The following PTK2 variants were observed in gnomAD, a reference collection of about 807,000 sequenced individuals.
The protein encoded by PTK2 is protein tyrosine kinase 2.
Under a neutral mutation model 150.1 loss-of-function variants are expected in PTK2, and 45 were observed. The ratio of observed to expected loss-of-function variants is 0.30; its 90% CI spans 0.24 to 0.38. The LOEUF (loss-of-function observed/expected upper bound fraction) is 0.38, where lower values mean the gene tolerates loss of function less well. Ranked by LOEUF, PTK2 falls within the 10% of genes least tolerant of loss-of-function variation. The probability of loss-of-function intolerance (pLI) is 1.00; values close to 1 mark genes in which losing one functional copy is unlikely to be tolerated. For synonymous variants in PTK2, 432 were observed against 449.2 expected (o/e 0.96, Z 0.48); for missense variants, 919 against 1,307.3 (o/e 0.70, Z 4.58).
chr8:140,678,761 A>C lies in PTK2; in HGVS notation c.2563-3262T>G, dbSNP rs139933174. Among the ~76,000 whole-genome samples the C allele has an allele frequency of 1.3e-4, 20 of 152,202 alleles. No individual in the cohort carries two copies. The East Asian group carries it at 3.9e-3, about 30-fold the overall frequency. On this transcript the variant is annotated intron_variant, in intron 27 of 31. Transcript: ENST00000522684. ...GAGTAGCTTCGAGAGGGAGGAGTCC[A>C]GTAGGGCAAACCGAATGTGTGAGGA...
At chr8:140,998,818 CAA>C (rs959649621) in intron 1 of PTK2, among the ~76,000 whole-genome samples, 9 of 53,480 alleles carry the variant, frequency 1.7e-4, no homozygotes, top group Admixed American at 3.9e-4. Flanking sequence ...GACTCCGTCT[CAA>C]AAAAAAAAAA....
chr8:140,866,213 G>A (rs1035296405), intron 4 of PTK2, among the ~76,000 whole-genome samples: 5 of 152,176 alleles, frequency 3.3e-5, no homozygotes, highest in African/African-American at 9.7e-5. Flanking sequence ...ATTCAAACAG[G>A]TCCAAGGAGG....
At chr8:140,822,662 C>T (rs1219287623) in intron 8 of PTK2, among the ~76,000 whole-genome samples, 1 of 152,184 alleles carries the variant, frequency 6.6e-6, no homozygotes, top group Non-Finnish European at 1.5e-5. Context: ...CACCACATCC[C>T]TATGGGTCTC....
intron 26 of PTK2, among the ~76,000 whole-genome samples, chr8:140,689,373 A>C (rs560660217): frequency 6.6e-6 from 1 of 152,358 alleles, no homozygotes; most frequent in East Asian, 1.9e-4. Flanking sequence ...ACTCAATGTA[A>C]ATATCAAGGT....
chr8:140,844,330 C>T (rs2154604115), intron 7 of PTK2, among the ~76,000 whole-genome samples: 1 of 152,282 alleles, frequency 6.6e-6, no homozygotes, highest in African/African-American at 2.4e-5. Flanking sequence ...CTAAATGTAG[C>T]TCATACGTTA....
intron 14 of PTK2, among the ~76,000 whole-genome samples, chr8:140,787,402 A>G (rs909220812): frequency 4.6e-5 from 7 of 152,262 alleles, no homozygotes; most frequent in African/African-American, 1.4e-4. Context: ...ACAAGAACAT[A>G]GAACTTAAAC....
At chr8:140,752,093 C>T in intron 17 of PTK2, 139 bp downstream of exon 20, 1 of 751,258 alleles carries the variant, frequency 1.3e-6, no homozygotes, top group South Asian at 1.6e-5. Flanking sequence ...CAAATTTAGA[C>T]ATTAATTTGC....
At chr8:140,989,212 T>TAAAAAAA (rs71310816) in intron 1 of PTK2, among the ~76,000 whole-genome samples, 11 of 60,582 alleles carry the variant, frequency 1.8e-4, no homozygotes, top group Non-Finnish European at 2.0e-4. Flanking sequence ...ACCCTGTCTC[T>TAAAAAAA]AAAAAAAAAA....
At position 140,753,706 on chromosome 8, in the gene PTK2, T is replaced by C. The variant is rs192637457; in HGVS notation, c.1333-1390A>G. Among the ~76,000 whole-genome samples, 535 of 152,314 alleles carry C rather than the reference T, an allele frequency of 3.5e-3. 5 individuals are homozygous for C. Among genetic ancestry groups the C allele is most frequent in the African/African-American group, 0.012 (517 of 41,556 alleles). On this transcript the variant is annotated intron_variant, in intron 16 of 31. Coordinates refer to ENST00000522684, the Ensembl canonical transcript of PTK2. ...ACTATTGTCTTTCACATTATATCAT[T>C]TTATATATTATAATTATACATAACA...
chr8:140,944,471 G>A (rs1454045125), intron 1 of PTK2, among the ~76,000 whole-genome samples: 1 of 152,284 alleles, frequency 6.6e-6, no homozygotes, highest in South Asian at 2.1e-4. Flanking sequence ...CTGCCACGAG[G>A]AATCTTGGAC....
chr8:140,850,426 C>CA (rs1215529684), intron 5 of PTK2, among the ~76,000 whole-genome samples: 21 of 140,214 alleles, frequency 1.5e-4, no homozygotes, highest in African/African-American at 3.2e-4. Context: ...GACTTCGTCT[C>CA]AAAAAAAAAC....
chr8:140,925,138 G>A (rs2100168988), intron 2 of PTK2, among the ~76,000 whole-genome samples: 2 of 151,806 alleles, frequency 1.3e-5, no homozygotes, highest in Admixed American at 1.3e-4. Context: ...TCTCTCTTAA[G>A]GAATACCAAA....
chr8:140,962,550 G>A (rs576014837), intron 1 of PTK2, among the ~76,000 whole-genome samples: 2 of 152,214 alleles, frequency 1.3e-5, no homozygotes, highest in Admixed American at 6.5e-5. Context: ...TGTAATCCCA[G>A]CACTGTGGGA....
At chr8:140,830,320 A>C in intron 8 of PTK2, 152 bp downstream of exon 8, 2 of 571,250 alleles carry the variant, frequency 3.5e-6, no homozygotes, top group East Asian at 7.0e-5. Context: ...TTTGCCATTA[A>C]TGTGACTAGA....
intron 22 of PTK2, among the ~76,000 whole-genome samples, chr8:140,721,331 T>C (rs1390711695): frequency 6.6e-6 from 1 of 152,232 alleles, no homozygotes; most frequent in Non-Finnish European, 1.5e-5. Flanking sequence ...ATCAAGAATA[T>C]GCCTGCTAAA....
intron 10 of PTK2, among the ~76,000 whole-genome samples, chr8:140,806,221 T>C (rs1169849801): frequency 2.0e-5 from 3 of 152,238 alleles, no homozygotes; most frequent in African/African-American, 4.8e-5. Flanking sequence ...TTTCCAGGAA[T>C]GCAACTTACG....
At chr8:140,825,948 C>A (rs991651725) in intron 8 of PTK2, among the ~76,000 whole-genome samples, 2 of 152,198 alleles carry the variant, frequency 1.3e-5, no homozygotes, top group Non-Finnish European at 1.5e-5. Context: ...GCAAATTATT[C>A]TTAGTAATTG....
At chr8:140,916,657 T>G (rs767131197) in intron 2 of PTK2, among the ~76,000 whole-genome samples, 9 of 152,236 alleles carry the variant, frequency 5.9e-5, no homozygotes, top group Non-Finnish European at 2.9e-5. Context: ...AATGAATGAA[T>G]AGTACGCAAA....
intron 1 of PTK2, among the ~76,000 whole-genome samples, chr8:140,934,302 G>A (rs56200899): frequency 0.27 from 41,592 of 152,016 alleles, 6,053 homozygotes; most frequent in Admixed American, 0.37. Flanking sequence ...CAGCTACTCA[G>A]GAGGCTGAGG....
Sources: allele counts gnomAD v4.1 joint callset (sites outside exome capture counted in the v4.1 genomes callset), GRCh38; gene constraint gnomAD v4.1.1; transcripts MANE v1.5; gene names NCBI Gene and HGNC (gene_info 2026-07-23, HGNC 2026-07-21).